KIRREL3: variants seen among roughly 807,000 people sequenced by gnomAD.
KIRREL3 encodes kin of IRRE-like protein 3.
KIRREL3 carries 36 observed loss-of-function variants against 89.7 expected under a neutral mutation model. The observed-to-expected ratio is 0.40, with a 90% CI of 0.31 to 0.53. The LOEUF is 0.53. KIRREL3 is among the 20% of genes least tolerant of loss of function. KIRREL3 has a pLI of 0.49. For missense variants in KIRREL3, 864 were observed against 1,056.6 expected, an observed-to-expected ratio of 0.82 and a Z score of 2.53; for synonymous variants, 445 against 441.4, an observed-to-expected ratio of 1.01 and a Z score of -0.10.
At chr11:126,749,840 C>A (rs893572509) in intron 1 of KIRREL3, among the ~76,000 whole-genome samples, 1 of 152,172 alleles carries the variant, frequency 6.6e-6, no homozygotes, top group African/African-American at 2.4e-5. Flanking sequence ...TGAGATTTAT[C>A]AACTCTCAAG....
rs183481346 is a variant in KIRREL3, at chr11:126,494,262, A to C, written c.434-20796T>G. ...TATTTTCCATTACAGCCAGGAAAGT[A>C]AAATGAAATACATTCTGTTTTTGCT... On this transcript the variant is annotated intron_variant, in intron 4 of 16. Coordinates refer to ENST00000525144, the MANE Select transcript of KIRREL3 (RefSeq NM_032531.4). Among the ~76,000 whole-genome samples, 432 of 152,352 alleles carry C rather than the reference A, an allele frequency of 2.8e-3. 1 individual carries two copies. Among genetic ancestry groups the C allele is most frequent in the African/African-American group, 9.4e-3 (391 of 41,580 alleles).
At position 126,723,079 on chromosome 11, in the gene KIRREL3, G is replaced by T. The variant is rs1316736738; in HGVS notation, c.56-160167C>A. Among the ~76,000 whole-genome samples the T allele has an allele frequency of 6.6e-6, 1 of 152,106 alleles. No individual in the cohort carries two copies. Among genetic ancestry groups the T allele is most frequent in the Non-Finnish European group, 1.5e-5 (1 of 68,030 alleles). ...GCACATAGTGTACGGTAGGTATTGC[G>T]GTATTTGACACATGTTGGACTCTCC... On this transcript the variant is annotated intron_variant, in intron 1 of 16. Transcript: ENST00000525144. This position sits in a 1 kb window ranked among gnomAD's most constrained non-coding sequence, Gnocchi z 4.0.
chr11:127,002,835 A>T (rs1392740916), upstream of KIRREL3: 2 of 152,234 alleles, frequency 1.3e-5, no homozygotes, highest in African/African-American at 4.8e-5. Context: ...TTACAAAACC[A>T]GGGTCACAAG....
At chr11:126,458,903 A>C (rs1956457947) in intron 6 of KIRREL3, among the ~76,000 whole-genome samples, 1 of 152,208 alleles carries the variant, frequency 6.6e-6, no homozygotes, top group South Asian at 2.1e-4. Context: ...CCTAGCTTCC[A>C]GGGCAAGGCT....
In KIRREL3 at chr11:126,983,704, C is replaced by CA. The variant is rs1949775791; in HGVS notation, c.55+16750_55+16751insT. On this transcript the variant is annotated intron_variant, in intron 1 of 16. Transcript: ENST00000525144. This position sits in a 1 kb window ranked among gnomAD's most constrained non-coding sequence, Gnocchi z 4.9. ...CCCTATAGCCTCCAGAAAGAAACAG[C>CA]CCTGCAGCACCTGGATGCCAGCCCG... 6.6e-6 allele frequency among the ~76,000 whole-genome samples: 1 copy of CA among 152,142 alleles called. No individual in the cohort carries two copies. The highest frequency in any genetic ancestry group is 2.4e-5 in the African/African-American group (1 of 41,434).
rs145323540 is a variant in KIRREL3, at chr11:126,462,876, C to T, written c.742+281G>A. On this transcript the variant is annotated intron_variant, in intron 6 of 16. Coordinates refer to ENST00000525144, the MANE Select transcript of KIRREL3 (RefSeq NM_032531.4). The surrounding 1 kb of genome is among the most constrained non-coding windows in gnomAD (Gnocchi z 4.8). ...GGGCCACCGGCTAGGCCAGCAGAGGCAGCAGCTGACCGTATTTATTGGTGT... is the reference window on the plus strand; with the variant it reads ...GGGCCACCGGCTAGGCCAGCAGAGGTAGCAGCTGACCGTATTTATTGGTGT... Among the ~76,000 whole-genome samples the T allele has an allele frequency of 6.6e-6, 1 of 152,182 alleles. No homozygotes were observed. Among genetic ancestry groups the T allele is most frequent in the Non-Finnish European group, 1.5e-5 (1 of 68,036 alleles).
chr11:126,949,626 T>A (rs1565450496), intron 1 of KIRREL3, among the ~76,000 whole-genome samples: 1 of 152,236 alleles, frequency 6.6e-6, no homozygotes, highest in Non-Finnish European at 1.5e-5. Flanking sequence ...CTGAGCAGCA[T>A]GCTGTTGTTA....
Position 126,498,817 on chromosome 11 carries a change from T to A in KIRREL3, c.433+22498A>T, listed in dbSNP as rs1233045255. On this transcript the variant is annotated intron_variant, in intron 4 of 16. Coordinates refer to ENST00000525144, the MANE Select transcript of KIRREL3 (RefSeq NM_032531.4). This position sits in a 1 kb window ranked among gnomAD's most constrained non-coding sequence, Gnocchi z 4.3. Reference sequence around the variant, plus strand: ...AGCACCTGCGTGGGCCCTCAGTAAATGCCAGTTCTTCACAGGCTCAGGACC... The same window carrying A: ...AGCACCTGCGTGGGCCCTCAGTAAAAGCCAGTTCTTCACAGGCTCAGGACC... Among the ~76,000 whole-genome samples the A allele has an allele frequency of 6.6e-6, 1 of 152,162 alleles. No individual in the cohort carries two copies. The highest frequency in any genetic ancestry group is 1.5e-5 in the Non-Finnish European group (1 of 68,026).
intron 1 of KIRREL3, among the ~76,000 whole-genome samples, chr11:126,930,772 G>C (rs757073950): frequency 6.6e-6 from 1 of 152,094 alleles, no homozygotes; most frequent in Non-Finnish European, 1.5e-5. Flanking sequence ...TACTAAATCA[G>C]GTATCTGGTT....
chr11:126,964,058 CA>C (rs1402532028), intron 1 of KIRREL3, among the ~76,000 whole-genome samples: 3 of 152,188 alleles, frequency 2.0e-5, no homozygotes, highest in African/African-American at 7.2e-5. Flanking sequence ...TGAATTTTTT[CA>C]TTTTCCATCT....
In KIRREL3 at chr11:126,541,467, A is replaced by G. The variant is rs1370465176; in HGVS notation, c.134-14780T>C. ...CAAAGAAGTGAAAGCAAGTCTCTCA[A>G]GGACACTTGGCCTTTTGGGGGCTCA... On this transcript the variant is annotated intron_variant, in intron 2 of 16. Transcript: ENST00000525144. The surrounding 1 kb of genome is among the most constrained non-coding windows in gnomAD (Gnocchi z 4.8). Among the ~76,000 whole-genome samples the G allele has an allele frequency of 6.6e-6, 1 of 152,218 alleles. No homozygotes were observed. The highest frequency in any genetic ancestry group is 2.4e-5 in the African/African-American group (1 of 41,456).
At chr11:126,726,049 A>C (rs1302556649) in intron 1 of KIRREL3, among the ~76,000 whole-genome samples, 1 of 152,208 alleles carries the variant, frequency 6.6e-6, no homozygotes, top group Non-Finnish European at 1.5e-5. Context: ...TGTGGACTGC[A>C]GTGGACAGGG....
Position 126,689,042 on chromosome 11 carries a change from A to AAG in KIRREL3, c.56-126132_56-126131dup, listed in dbSNP as rs58257040. Among the ~76,000 whole-genome samples, 17,771 of 129,646 alleles carry AAG rather than the reference A, an allele frequency of 0.14. 1,395 individuals are homozygous for AAG. The highest frequency in any genetic ancestry group is 0.25 in the Admixed American group (3,105 of 12,498). 85.1% of individuals were successfully genotyped at this position (129,646 alleles called of 152,430 possible). On this transcript the variant is annotated intron_variant, in intron 1 of 16. Transcript: ENST00000525144. The surrounding 1 kb of genome is among the most constrained non-coding windows in gnomAD (Gnocchi z 5.2). Reference sequence around the variant, plus strand: ...ATGTGTGTGTGTGTAAGGGGGAGAGAAGAGAGAGAGAGAGAGAGAGAGAGA... The same window carrying AAG: ...ATGTGTGTGTGTGTAAGGGGGAGAGAAGAGAGAGAGAGAGAGAGAGAGAGAGA...
chr11:126,506,799 A>G, intron 4 of KIRREL3, among the ~76,000 whole-genome samples: 1 of 146,274 alleles, frequency 6.8e-6, no homozygotes, highest in African/African-American at 2.7e-5. Flanking sequence ...TGTTTTTGGT[A>G]TTTTTAGTAG....
At chr11:126,554,013 C>T (rs1413892312) in intron 2 of KIRREL3, among the ~76,000 whole-genome samples, 1 of 152,196 alleles carries the variant, frequency 6.6e-6, no homozygotes, top group African/African-American at 2.4e-5. Flanking sequence ...GTTCATAATG[C>T]ACTGTCCACG....
Position 126,656,299 on chromosome 11 carries a change from T to C in KIRREL3, c.56-93387A>G. 1 of 334,300 alleles carries C rather than the reference T, an allele frequency of 3.0e-6. No individual in the cohort carries two copies. The allele number at this position is 334,300 out of a possible 1,614,324, so 20.7% of individuals were successfully genotyped here. On this transcript the variant is annotated intron_variant, in intron 1 of 16. Coordinates refer to ENST00000525144, the MANE Select transcript of KIRREL3 (RefSeq NM_032531.4). The surrounding 1 kb of genome is among the most constrained non-coding windows in gnomAD (Gnocchi z 4.0). ...ACCATAACCTCCATGATTCAGTTTC[T>C]TCATTTGCAAAATAATTTAAATAAG...
intron 4 of KIRREL3, among the ~76,000 whole-genome samples, chr11:126,481,402 G>T (rs78189576): frequency 7.9e-5 from 12 of 152,190 alleles, no homozygotes; most frequent in African/African-American, 2.9e-4. Context: ...TTAAGCTGAC[G>T]AATTCCAAAG....
intron 1 of KIRREL3, among the ~76,000 whole-genome samples, chr11:126,765,245 T>C (rs536428016): frequency 9.2e-5 from 14 of 152,260 alleles, no homozygotes; most frequent in African/African-American, 3.1e-4. Flanking sequence ...ATCTGTAAAA[T>C]ACAGACCATG....
intron 1 of KIRREL3, among the ~76,000 whole-genome samples, chr11:126,727,087 C>T (rs1272027997): frequency 6.6e-6 from 1 of 152,202 alleles, no homozygotes; most frequent in Non-Finnish European, 1.5e-5. Flanking sequence ...AAGGCAGAGA[C>T]TTAGCTTTGA....
Sources: allele counts gnomAD v4.1 joint callset (sites outside exome capture counted in the v4.1 genomes callset), GRCh38; gene constraint gnomAD v4.1.1; non-coding constraint Gnocchi (gnomAD v3.1); transcripts MANE v1.5; gene names NCBI Gene and HGNC (gene_info 2026-07-23, HGNC 2026-07-21).